The following COL4A4 variants were observed in gnomAD, a reference collection of about 807,000 sequenced individuals.
The protein encoded by COL4A4 is collagen alpha-4(IV) chain.
A neutral mutation model predicts 192.9 loss-of-function variants in COL4A4; 105 were observed. The observed-to-expected ratio is 0.54, with a 90% CI of 0.46 to 0.64. COL4A4 has a LOEUF of 0.64. COL4A4 is among the 30% of genes least tolerant of loss of function. COL4A4 has a pLI of 0.00. For missense variants in COL4A4, 1,967 were observed against 2,169.3 expected (o/e 0.91, Z 1.85); for synonymous variants, 762 against 769.9 (o/e 0.99, Z 0.17).
chr2:227,019,647 C>G (rs540139443), intron 44 of COL4A4, among the ~76,000 whole-genome samples: 1 of 152,186 alleles, frequency 6.6e-6, no homozygotes, highest in East Asian at 1.9e-4. Context: ...CTCCCAATAC[C>G]CTTGACTTGC....
intron 46 of COL4A4, among the ~76,000 whole-genome samples, chr2:227,009,781 G>C (rs1963216518): frequency 6.6e-6 from 1 of 151,376 alleles, no homozygotes; most frequent in Non-Finnish European, 1.5e-5. Context: ...GGGAAGGTAG[G>C]GGAGGGGAAG....
chr2:227,054,821 A>C, intron 30 of COL4A4, 84 bp from the exon 31 acceptor site: 1 of 1,441,996 alleles, frequency 6.9e-7, no homozygotes, highest in Non-Finnish European at 9.5e-7. Flanking sequence ...ACAGAGTCTC[A>C]CTCTGTCACC....
intron 4 of COL4A4, among the ~76,000 whole-genome samples, chr2:227,124,228 A>G (rs147923860): frequency 6.6e-6 from 1 of 152,358 alleles, no homozygotes; most frequent in African/African-American, 2.4e-5. Context: ...CATAAGTGAA[A>G]ACACAAGCCA....
At chr2:227,137,991 T>C (rs1363316366) in intron 4 of COL4A4, among the ~76,000 whole-genome samples, 1 of 152,136 alleles carries the variant, frequency 6.6e-6, no homozygotes, top group Non-Finnish European at 1.5e-5. Flanking sequence ...TTTAAAATTA[T>C]ATTATGAAAG....
At chr2:227,065,425 A>C (rs896073239) in intron 25 of COL4A4, among the ~76,000 whole-genome samples, 3 of 152,246 alleles carry the variant, frequency 2.0e-5, no homozygotes, top group Non-Finnish European at 4.4e-5. Context: ...CTCTGGGGGC[A>C]GGGCACAGAC....
chr2:227,025,836 G>A (rs771725602), intron 42 of COL4A4, 26 bp from the exon 43 acceptor site: 109 of 1,610,836 alleles, frequency 6.8e-5, no homozygotes, highest in Admixed American at 4.0e-4. Flanking sequence ...GACAACAAAC[G>A]AGGCCAGTCC....
At position 227,047,561 on chromosome 2, in the gene COL4A4, A is replaced by G. The variant is rs920427754; in HGVS notation, c.3215-12T>C. The G allele has an allele frequency of 5.6e-6, 9 of 1,598,560 alleles. No homozygotes were observed. In the South Asian group the frequency reaches 9.9e-5, roughly 18 times the overall value. On this transcript the variant is annotated splice_polypyrimidine_tract_variant and intron_variant, in intron 34 of 47. Transcript: ENST00000396625. ...GTCACCTTTGTTTCCTGAAAGGGAT[A>G]AAATGCATGTGACATTACTTTAGAC...
At chr2:227,108,464 A>G (rs2060986709) in intron 12 of COL4A4, 117 bp downstream of exon 12, 3 of 989,634 alleles carry the variant, frequency 3.0e-6, no homozygotes, top group Non-Finnish European at 4.8e-6. Flanking sequence ...GTTCTCAGCC[A>G]TAAAATTGGG....
chr2:227,017,368 C>T (rs372497122), intron 44 of COL4A4, among the ~76,000 whole-genome samples: 6 of 152,182 alleles, frequency 3.9e-5, no homozygotes, highest in South Asian at 2.1e-4. Context: ...TTCCACCTTA[C>T]GGACTTGTTC....
intron 4 of COL4A4, among the ~76,000 whole-genome samples, chr2:227,137,626 C>A (rs2062906397): frequency 6.6e-6 from 1 of 152,158 alleles, no homozygotes; most frequent in African/African-American, 2.4e-5. Context: ...TGTTGAACAG[C>A]ACTTCTGGTC....
intron 25 of COL4A4, among the ~76,000 whole-genome samples, chr2:227,066,367 G>T (rs1401910296): frequency 1.3e-5 from 2 of 151,444 alleles, no homozygotes; most frequent in Admixed American, 1.3e-4. Context: ...TACAGAGAAC[G>T]CCACAAAGAT....
At chr2:227,102,453 C>T (rs1015785114) in intron 15 of COL4A4, among the ~76,000 whole-genome samples, 1 of 152,106 alleles carries the variant, frequency 6.6e-6, no homozygotes, top group African/African-American at 2.4e-5. Flanking sequence ...TTTTCTAGCT[C>T]CTGCCCCTAT....
At chr2:227,164,451 C>T, upstream of COL4A4, 1 of 540,790 alleles carries the variant, frequency 1.8e-6, no homozygotes. The surrounding 1 kb of genome is among the most constrained non-coding windows in gnomAD (Gnocchi z 4.8). Flanking sequence ...GCCTCCTGGG[C>T]ACGATGCCCG....
chr2:227,050,172 A>G, intron 33 of COL4A4, 41 bp from the exon 34 acceptor site: 1 of 1,553,078 alleles, frequency 6.4e-7, no homozygotes, highest in Non-Finnish European at 8.9e-7. Flanking sequence ...TCAGATTTCA[A>G]ATACAAATGG....
intron 37 of COL4A4, among the ~76,000 whole-genome samples, chr2:227,040,737 T>C (rs1370436340): frequency 6.6e-6 from 1 of 151,998 alleles, no homozygotes; most frequent in Non-Finnish European, 1.5e-5. Context: ...CTAACTTTTA[T>C]ATTTTTAGTA....
In COL4A4 at chr2:227,007,112, C is replaced by G; in HGVS notation, c.*213G>C. 1 of 674,558 alleles carries G rather than the reference C, an allele frequency of 1.5e-6. No homozygotes were observed. Among genetic ancestry groups the G allele is most frequent in the South Asian group, 1.8e-5 (1 of 57,018 alleles). The allele number at this position is 674,558 out of a possible 1,614,324, so 41.8% of individuals were successfully genotyped here. A position where few individuals can be genotyped will look rare whatever the true frequency, so the allele number is the denominator to read the frequency against. On this transcript the variant is annotated 3_prime_UTR_variant, in exon 48 of 48. Transcript: ENST00000396625. ...CCTCAGTAAAATAAGAGTATCTAGG[C>G]TCCCTAGATTGGGAGGTCCAAACAA...
Position 227,150,971 on chromosome 2 carries a change from T to C in COL4A4, c.-101-3387A>G, listed in dbSNP as rs1039338405. ...TAATAGCTACAAAGAATATAATTTC[T>C]GGAGTATTATAAATGATGACCTTTA... On this transcript the variant is annotated intron_variant, in intron 1 of 47. Transcript: ENST00000396625. Among the ~76,000 whole-genome samples, 5 of 152,204 alleles carry C rather than the reference T, an allele frequency of 3.3e-5. No homozygotes were observed. In the East Asian group the frequency reaches 7.7e-4, roughly 23 times the overall value.
chr2:227,017,453 T>C (rs573734214), intron 44 of COL4A4, among the ~76,000 whole-genome samples: 5 of 152,204 alleles, frequency 3.3e-5, no homozygotes, highest in Non-Finnish European at 7.3e-5. Context: ...GATGACCTCC[T>C]GAGAGGGCAA....
chr2:227,090,639 C>T (rs2059867167), intron 20 of COL4A4, among the ~76,000 whole-genome samples: 2 of 151,836 alleles, frequency 1.3e-5, no homozygotes, highest in South Asian at 4.2e-4. Flanking sequence ...GTAATCCCCG[C>T]TACTTGAGAG....
Sources: allele counts gnomAD v4.1 joint callset (sites outside exome capture counted in the v4.1 genomes callset), GRCh38; gene constraint gnomAD v4.1.1; non-coding constraint Gnocchi (gnomAD v3.1); transcripts MANE v1.5; gene names NCBI Gene and HGNC (gene_info 2026-07-23, HGNC 2026-07-21).